Variants in ZNF106 observed in about 807,000 individuals in gnomAD.
ZNF106 encodes the protein zinc finger protein 106.
In ZNF106, 67 loss-of-function variants were observed where a neutral mutation model predicts 195.1. That is an observed-to-expected ratio of 0.34 (90% CI 0.28 to 0.42). The LOEUF (loss-of-function observed/expected upper bound fraction) is 0.42, where lower values mean the gene tolerates loss of function less well. Ranked by LOEUF, ZNF106 falls within the 10% of genes least tolerant of loss-of-function variation. The pLI, the probability that ZNF106 is intolerant of heterozygous loss-of-function variation, is 1.00. For synonymous variants in ZNF106, 784 were observed against 818.6 expected (o/e 0.96, Z 0.72); for missense variants, 2,118 against 2,304.5 (o/e 0.92, Z 1.66).
intron 17 of ZNF106, 137 bp from the exon 18 acceptor site, chr15:42,422,757 C>G (rs1357599319): frequency 1.2e-6 from 1 of 830,718 alleles, no homozygotes; most frequent in East Asian, 3.0e-5. Flanking sequence ...ATTAACTGTA[C>G]AAATACAGTT....
chr15:42,484,492 C>T (rs998161459), intron 1 of ZNF106, among the ~76,000 whole-genome samples: 4 of 152,154 alleles, frequency 2.6e-5, no homozygotes, highest in Non-Finnish European at 4.4e-5. Flanking sequence ...ATAGGCATGG[C>T]GGCTCACGCC....
Position 42,437,372 on chromosome 15 carries a change from A to G in ZNF106, c.4606T>C (p.Ser1536Pro), listed in dbSNP as rs746736614. The G allele has an allele frequency of 4.3e-6, 7 of 1,612,278 alleles. No homozygotes were observed. The South Asian group carries it at 4.4e-5, about 10-fold the overall frequency. ...IKGSKNSSEI[S>P]SEPGDDDEPT... is the part of the protein sequence containing the mutation. The stretch of plus-strand genomic sequence containing the variant: ...TCATCATCATCTCCTGGCTCTGAAG[A>G]TATTTCTGGAAAACAAGAATAGGTT... Residue 1536 changes from serine (S) to proline (P), a missense_variant, in exon 13 of 22, where the codon TCT (serine) becomes CCT (proline). Transcript: ENST00000564754.
intron 12 of ZNF106, among the ~76,000 whole-genome samples, chr15:42,438,386 G>C (rs1240203766): frequency 2.0e-5 from 3 of 152,170 alleles, no homozygotes; most frequent in African/African-American, 7.2e-5. Context: ...GCAAGACTCT[G>C]TTACAACCAG....
chr15:42,485,177 C>T (rs545441636), intron 1 of ZNF106, among the ~76,000 whole-genome samples: 11 of 152,208 alleles, frequency 7.2e-5, no homozygotes, highest in African/African-American at 2.6e-4. Flanking sequence ...AAAAAAAATA[C>T]TGTATGTTTA....
At chr15:42,476,217 A>G (rs2056782851) in intron 1 of ZNF106, among the ~76,000 whole-genome samples, 1 of 152,218 alleles carries the variant, frequency 6.6e-6, no homozygotes. Context: ...TTAAACCCTG[A>G]GGTGACATGA....
chr15:42,426,356 T>G (rs1038604682), intron 15 of ZNF106, among the ~76,000 whole-genome samples: 1 of 151,980 alleles, frequency 6.6e-6, no homozygotes, highest in African/African-American at 2.4e-5. Context: ...TCTCATCATT[T>G]TGCCTCAAGA....
chr15:42,457,470 G>A, intron 3 of ZNF106: 1 of 1,226,072 alleles, frequency 8.2e-7, no homozygotes, highest in South Asian at 1.9e-5. Flanking sequence ...AGGGGAGGCA[G>A]GGCAGGGGGC....
At chr15:42,436,890 T>C (rs991119022) in intron 13 of ZNF106, among the ~76,000 whole-genome samples, 8 of 152,218 alleles carry the variant, frequency 5.3e-5, no homozygotes, top group Non-Finnish European at 1.2e-4. Flanking sequence ...CAACCCCCTT[T>C]GCCACAGGCA....
chr15:42,474,530 G>A (rs1454755480), intron 1 of ZNF106, among the ~76,000 whole-genome samples: 1 of 152,110 alleles, frequency 6.6e-6, no homozygotes, highest in African/African-American at 2.4e-5. Flanking sequence ...AGGCTGAGGT[G>A]ATAGGATCAC....
intron 2 of ZNF106, among the ~76,000 whole-genome samples, chr15:42,468,347 G>T (rs1180464029): frequency 1.3e-5 from 2 of 150,692 alleles, no homozygotes; most frequent in Admixed American, 1.3e-4. Flanking sequence ...CAAAGTTCTG[G>T]GATTACAGGC....
chr15:42,424,859 T>C lies in ZNF106; in HGVS notation c.5165A>G (p.His1722Arg). The C allele has an allele frequency of 3.7e-6, 6 of 1,614,154 alleles. No homozygotes were observed. Among genetic ancestry groups the C allele is most frequent in the Non-Finnish European group, 5.1e-6 (6 of 1,180,018 alleles). ...NGLLLRTLEG[H>R]SKTILCMKVV... is the part of the protein sequence containing the mutation. ...CTTCATGCAAAGAATGGTTTTGCTA[T>C]GGCCCTCCAGAGTTCTGAGGAGCAG... Residue 1722 changes from histidine to arginine, a missense_variant, in exon 16 of 22, where the codon CAT (histidine) becomes CGT (arginine). Physicochemically the swap from His to Arg is conservative, Grantham distance 29. Coordinates refer to ENST00000564754, the MANE Select transcript of ZNF106 (RefSeq NM_001366845.3).
Position 42,417,183 on chromosome 15 carries a change from C to G in ZNF106, c.*121G>C. On this transcript the variant is annotated 3_prime_UTR_variant, in exon 22 of 22. Coordinates refer to ENST00000564754, the MANE Select transcript of ZNF106 (RefSeq NM_001366845.3). ...GCCCAGACTTATGCTAGGGGTATGC[C>G]TGGCTAGTAACCACTTTCTCCTTCC... is the stretch of plus-strand genomic sequence containing the variant. 9.6e-7 allele frequency: 1 copy of G among 1,039,076 alleles called. No homozygotes were observed. 64.4% of individuals were successfully genotyped at this position (1,039,076 alleles called of 1,614,324 possible). A position where few individuals can be genotyped will look rare whatever the true frequency, so the allele number is the denominator to read the frequency against.
intron 3 of ZNF106, among the ~76,000 whole-genome samples, chr15:42,465,568 C>T (rs1405911839): frequency 6.6e-6 from 1 of 152,216 alleles, no homozygotes; most frequent in Non-Finnish European, 1.5e-5. Context: ...TGAGCCACTG[C>T]ACCTGGCCAG....
intron 2 of ZNF106, 108 bp from the exon 3 acceptor site, chr15:42,466,222 A>G: frequency 1.4e-6 from 1 of 710,736 alleles, no homozygotes; most frequent in Non-Finnish European, 2.1e-6. Context: ...CCTTATGTCA[A>G]AATGTGTTTT....
intron 3 of ZNF106, among the ~76,000 whole-genome samples, chr15:42,465,011 C>T (rs1040503720): frequency 2.0e-5 from 3 of 152,178 alleles, no homozygotes; most frequent in Non-Finnish European, 4.4e-5. Context: ...AACTCTGAGT[C>T]AATTAAACCT....
intron 4 of ZNF106, among the ~76,000 whole-genome samples, chr15:42,452,607 A>G (rs1406764278): frequency 2.0e-5 from 3 of 151,224 alleles, no homozygotes; most frequent in Non-Finnish European, 4.4e-5. Flanking sequence ...TTTTGTCCCT[A>G]TCATCCAATT....
intron 5 of ZNF106, among the ~76,000 whole-genome samples, chr15:42,449,455 A>G (rs140769156): frequency 6.6e-6 from 1 of 152,288 alleles, no homozygotes; most frequent in African/African-American, 2.4e-5. Flanking sequence ...ATAGCTCTAC[A>G]TTTTTATGCT....
intron 14 of ZNF106, among the ~76,000 whole-genome samples, chr15:42,428,401 G>T (rs748031238): frequency 2.6e-5 from 4 of 152,112 alleles, no homozygotes; most frequent in Non-Finnish European, 5.9e-5. Context: ...TCTTCAAAGG[G>T]TACTATGAGT....
chr15:42,459,876 T>TA (rs143304513), intron 3 of ZNF106, among the ~76,000 whole-genome samples: 10 of 148,792 alleles, frequency 6.7e-5, no homozygotes, highest in South Asian at 2.1e-4. Flanking sequence ...CCATCTCTAC[T>TA]AAAAAAAAAT....
Sources: gnomAD v4.1 joint callset for allele counts (sites outside exome capture counted in the v4.1 genomes callset) on GRCh38, gnomAD v4.1.1 for gene constraint, MANE v1.5 for transcripts, NCBI Gene and HGNC (gene_info 2026-07-23, HGNC 2026-07-21) for gene names.